MAK: variants seen among roughly 807,000 people sequenced by gnomAD.
The protein encoded by MAK is serine/threonine-protein kinase MAK.
MAK carries 65 observed loss-of-function variants against 82.6 expected under a neutral mutation model. That is an observed-to-expected ratio of 0.79 (90% CI 0.64 to 0.97). MAK has a LOEUF of 0.97. MAK is among the 50% of genes least tolerant of loss of function. The pLI is 0.00. For synonymous variants in MAK, 250 were observed against 274.2 expected (o/e 0.91, Z 0.87); for missense variants, 703 against 780.2 (o/e 0.90, Z 1.18).
At chr6:10,803,420 C>T in intron 7 of MAK, among the ~76,000 whole-genome samples, 1 of 151,690 alleles carries the variant, frequency 6.6e-6, no homozygotes, top group Non-Finnish European at 1.5e-5. Flanking sequence ...TGGTGCACAC[C>T]TGTAATCCCA....
intron 4 of MAK, 52 bp downstream of exon 4, chr6:10,817,798 T>G (rs918878042): frequency 8.0e-5 from 111 of 1,393,150 alleles, no homozygotes; most frequent in Non-Finnish European, 8.4e-5. Context: ...ATCAAAAGGA[T>G]CCAAAGAACT....
Position 10,813,136 on chromosome 6 carries a change from A to ATATTTTTT in MAK, c.358+507_358+508insAAAAAATA, listed in dbSNP as rs1561987243. Among the ~76,000 whole-genome samples the ATATTTTTT allele has an allele frequency of 2.8e-3, 2 of 726 alleles. 1 individual carries two copies. Among genetic ancestry groups the ATATTTTTT allele is most frequent in the East Asian group, 0.17 (2 of 12 alleles). 0.5% of individuals were successfully genotyped at this position (726 alleles called of 152,430 possible). ...TATATATATATATATATATATATAA[A>ATATTTTTT]TTTTTTTTTTTTTTTTTTTTTTTTT... On this transcript the variant is annotated intron_variant, in intron 5 of 14. Transcript: ENST00000354489.
At chr6:10,779,493 C>G in intron 11 of MAK, 1 of 985,080 alleles carries the variant, frequency 1.0e-6, no homozygotes, top group Non-Finnish European at 1.2e-6. Flanking sequence ...TAATGTCATG[C>G]TGCCCTGCAA....
At chr6:10,823,166 G>C (rs768127878) in intron 2 of MAK, among the ~76,000 whole-genome samples, 3 of 152,168 alleles carry the variant, frequency 2.0e-5, no homozygotes, top group Non-Finnish European at 4.4e-5. Context: ...GCCATGCCAT[G>C]CCCTTGCTTC....
At chr6:10,770,039 T>G in intron 14 of MAK, 72 bp downstream of exon 14, 1 of 1,612,678 alleles carries the variant, frequency 6.2e-7, no homozygotes, top group Non-Finnish European at 8.5e-7. Flanking sequence ...GAAAAGTGAC[T>G]GCATAAACTT....
intron 5 of MAK, among the ~76,000 whole-genome samples, chr6:10,811,903 T>C (rs9379799): frequency 0.16 from 24,608 of 152,028 alleles, 1,938 homozygotes; most frequent in Middle Eastern, 0.2. Flanking sequence ...AAACAAAATA[T>C]AAACTACAGG....
chr6:10,764,635 G>GT, intron 14 of MAK, 29 bp from the exon 15 acceptor site: 2 of 1,605,408 alleles, frequency 1.2e-6, no homozygotes, highest in Non-Finnish European at 1.7e-6. Flanking sequence ...GGAAAACAGG[G>GT]TTTTACTCAT....
At chr6:10,802,760 A>C (rs522896) in intron 7 of MAK, among the ~76,000 whole-genome samples, 126,606 of 152,142 alleles carry the variant, frequency 0.83, 52,584 homozygotes, top group South Asian at 0.86. Context: ...CCCATTGCAT[A>C]CAATGTTAAA....
At chr6:10,797,864 A>T in intron 8 of MAK, 2 of 1,285,376 alleles carry the variant, frequency 1.6e-6, no homozygotes, top group Non-Finnish European at 1.0e-6. Context: ...ACTTCCACTA[A>T]AAAGCAGGGC....
Position 10,818,787 on chromosome 6 carries a change from A to G in MAK, c.156+99T>C, listed in dbSNP as rs142683874. ...ATATAAAGGAAAAACAAACAAAATT[A>G]TCTTCAGAATGCTTCCCACAGAGAA... On this transcript the variant is annotated intron_variant, in intron 3 of 14. Coordinates refer to ENST00000354489, the MANE Select transcript of MAK (RefSeq NM_001242957.3). 982 of 728,708 alleles carry G rather than the reference A, an allele frequency of 1.3e-3. 6 individuals are homozygous for G. The highest frequency in any genetic ancestry group is 0.012 in the Middle Eastern group (37 of 3,176). 45.1% of individuals were successfully genotyped at this position (728,708 alleles called of 1,614,324 possible). A position where few individuals can be genotyped will look rare whatever the true frequency, so the allele number is the denominator to read the frequency against.
chr6:10,806,790 C>G (rs1005224612), intron 6 of MAK, among the ~76,000 whole-genome samples: 1 of 152,120 alleles, frequency 6.6e-6, no homozygotes, highest in Non-Finnish European at 1.5e-5. Context: ...CCACGCCCGG[C>G]CTGACCTTCT....
intron 8 of MAK, chr6:10,797,667 A>C (rs1159992394): frequency 3.0e-6 from 3 of 985,340 alleles, no homozygotes; most frequent in Non-Finnish European, 2.4e-6. Flanking sequence ...TAAGATGGTC[A>C]AGCTCTGTTC....
chr6:10,768,144 TG>T (rs1243837146), intron 14 of MAK, among the ~76,000 whole-genome samples: 5 of 152,124 alleles, frequency 3.3e-5, no homozygotes, highest in African/African-American at 4.8e-5. Flanking sequence ...GCATGCTAAT[TG>T]GATAGAATAA....
At chr6:10,766,469 A>T (rs1772445218) in intron 14 of MAK, among the ~76,000 whole-genome samples, 1 of 152,162 alleles carries the variant, frequency 6.6e-6, no homozygotes, top group African/African-American at 2.4e-5. Context: ...CACTCTTTTT[A>T]CTGGGCTTAA....
chr6:10,836,162 C>T lies in MAK; in HGVS notation c.-230+2341G>A, dbSNP rs144336648. 3.6e-3 allele frequency among the ~76,000 whole-genome samples: 546 copies of T among 152,296 alleles called. 6 individuals carry two copies. Among genetic ancestry groups the T allele is most frequent in the African/African-American group, 0.013 (530 of 41,566 alleles). The stretch of plus-strand genomic sequence containing the variant: ...ATAAGCAAGGAACACGACCATTTCC[C>T]AGCTCCTTTCTGTTTGAGGGGTGGA... On this transcript the variant is annotated intron_variant, in intron 1 of 14. Transcript: ENST00000354489.
intron 6 of MAK, among the ~76,000 whole-genome samples, chr6:10,804,207 G>A (rs1253792030): frequency 6.6e-6 from 1 of 152,122 alleles, no homozygotes; most frequent in African/African-American, 2.4e-5. Context: ...GAAAAACTAT[G>A]TTACAAAGCA....
intron 11 of MAK, among the ~76,000 whole-genome samples, chr6:10,782,688 C>T (rs1774109597): frequency 6.6e-6 from 1 of 151,564 alleles, no homozygotes; most frequent in African/African-American, 2.4e-5. Context: ...AGCAATTCTC[C>T]TGCCTCAGCC....
chr6:10,764,505 G>T lies in MAK; in HGVS notation c.1894C>A (p.Pro632Thr). The change falls in exon 15 of 15, where the codon CCC becomes ACC. Residue 632 changes from proline (P) to threonine (T), a missense_variant. Pro to Thr is a conservative substitution (Grantham distance 38). Transcript: ENST00000354489. ...CAGTCTGTCCTCCCATGCACTGAGG[G>T]AATGGGCTGTGCACGGTTCACAATA... is the stretch of plus-strand genomic sequence containing the variant. ...LNIVNRAQPI[P>T]SVHGRTDWVA... 6.2e-7 allele frequency: 1 copy of T among 1,613,814 alleles called. No homozygotes were observed. The highest frequency in any genetic ancestry group is 8.5e-7 in the Non-Finnish European group (1 of 1,179,730).
chr6:10,765,611 C>A (rs1355051294), intron 14 of MAK, among the ~76,000 whole-genome samples: 1 of 151,988 alleles, frequency 6.6e-6, no homozygotes, highest in Non-Finnish European at 1.5e-5. Flanking sequence ...AGGGGCGCAC[C>A]ACCACGCCCA....
Sources: allele counts gnomAD v4.1 joint callset (sites outside exome capture counted in the v4.1 genomes callset), GRCh38; gene constraint gnomAD v4.1.1; transcripts MANE v1.5; gene names NCBI Gene and HGNC (gene_info 2026-07-23, HGNC 2026-07-21).